CC2D2A: variants seen among roughly 807,000 people sequenced by gnomAD.
The protein encoded by CC2D2A is coiled-coil and C2 domain containing 2A.
In CC2D2A, 155 loss-of-function variants were observed where a neutral mutation model predicts 212.9. The ratio of observed to expected loss-of-function variants is 0.73; its 90% confidence interval spans 0.64 to 0.83. The LOEUF (loss-of-function observed/expected upper bound fraction) is 0.83, where lower values mean the gene tolerates loss of function less well. CC2D2A is among the 40% of genes least tolerant of loss of function. The pLI is 0.00. For missense variants in CC2D2A, 1,856 were observed against 1,956.2 expected, an observed-to-expected ratio of 0.95 and a Z score of 0.97; for synonymous variants, 667 against 686.5, an observed-to-expected ratio of 0.97 and a Z score of 0.44.
At chr4:15,528,772 G>A (rs1717650703) in intron 13 of CC2D2A, 46 bp downstream of exon 13, 2 of 1,341,588 alleles carry the variant, frequency 1.5e-6, no homozygotes, top group Non-Finnish European at 2.1e-6. Context: ...CCCGTTAGAT[G>A]TGCACTTGTT....
rs1449972974 is a variant in CC2D2A at position 15,555,212 on chromosome 4, T to C, written c.2625+2T>C. On this transcript the variant is annotated splice_donor_variant, in intron 20 of 36. Coordinates refer to ENST00000424120, the MANE Select transcript of CC2D2A (RefSeq NM_001378615.1). LOFTEE classifies it high-confidence loss of function. ...GCCCCTTTGATGCAGCTTATCTCGGTATGTAGCAGGAGGCACACATGCCAT... is the reference window on the plus strand; with the variant it reads ...GCCCCTTTGATGCAGCTTATCTCGGCATGTAGCAGGAGGCACACATGCCAT... 5 of 1,612,368 alleles carry C rather than the reference T, an allele frequency of 3.1e-6. No individual in the cohort carries two copies. Among genetic ancestry groups the C allele is most frequent in the Admixed American group, 1.7e-5 (1 of 59,756 alleles).
chr4:15,560,704 AT>A, intron 23 of CC2D2A, 82 bp downstream of exon 23: 3 of 650,678 alleles, frequency 4.6e-6, no homozygotes, highest in Non-Finnish European at 5.2e-6. Flanking sequence ...ATCATATAAG[AT>A]TTTTAAAAAT....
At chr4:15,556,230 A>T (rs1182591165) in intron 20 of CC2D2A, among the ~76,000 whole-genome samples, 2 of 152,250 alleles carry the variant, frequency 1.3e-5, no homozygotes, top group Non-Finnish European at 2.9e-5. Context: ...GGGTAGCCCT[A>T]GCAACACATC....
intron 33 of CC2D2A, among the ~76,000 whole-genome samples, chr4:15,592,213 C>G (rs1254111893): frequency 6.6e-6 from 1 of 151,988 alleles, no homozygotes; most frequent in Non-Finnish European, 1.5e-5. Context: ...TTTCTCTCTC[C>G]TCCTCTATCT....
chr4:15,592,717 G>A (rs1005443371), intron 33 of CC2D2A, among the ~76,000 whole-genome samples: 12 of 151,988 alleles, frequency 7.9e-5, no homozygotes, highest in Non-Finnish European at 1.2e-4. Context: ...ATTATTAATT[G>A]TGGCTCTATC....
chr4:15,530,565 G>T (rs938597274), intron 13 of CC2D2A, among the ~76,000 whole-genome samples: 1 of 151,940 alleles, frequency 6.6e-6, no homozygotes, highest in Non-Finnish European at 1.5e-5. Flanking sequence ...TCAGAAATAC[G>T]TGTGAGATCT....
At position 15,528,506 on chromosome 4, in the gene CC2D2A, G is replaced by T. The variant is rs539688868; in HGVS notation, c.1360-114G>T. 5.6e-6 allele frequency: 4 copies of T among 719,348 alleles called. No individual in the cohort carries two copies. In the East Asian group the frequency reaches 1.0e-4, roughly 19 times the overall value. 44.6% of individuals were successfully genotyped at this position (719,348 alleles called of 1,614,324 possible). ...GAGACAGCCAGATGCTTGAACATCC[G>T]TTCCATTCACAGACTGATGGCACCA... On this transcript the variant is annotated intron_variant, in intron 12 of 36. Transcript: ENST00000424120.
At chr4:15,489,630 A>G (rs1715192192) in intron 4 of CC2D2A, among the ~76,000 whole-genome samples, 2 of 152,138 alleles carry the variant, frequency 1.3e-5, no homozygotes, top group Non-Finnish European at 2.9e-5. Flanking sequence ...AATTCTTTCA[A>G]ACTCATTTTC....
chr4:15,518,776 G>T (rs1171666828), intron 11 of CC2D2A, among the ~76,000 whole-genome samples: 1 of 152,250 alleles, frequency 6.6e-6, no homozygotes, highest in African/African-American at 2.4e-5. Flanking sequence ...CATGGCCCGA[G>T]TTGTACCTTG....
chr4:15,497,984 T>C (rs1475185455), intron 4 of CC2D2A, among the ~76,000 whole-genome samples: 1 of 152,178 alleles, frequency 6.6e-6, no homozygotes, highest in African/African-American at 2.4e-5. Flanking sequence ...GAAATACCTG[T>C]TTGTTAGGAA....
At chr4:15,588,703 GC>G (rs1256309651) in intron 32 of CC2D2A, among the ~76,000 whole-genome samples, 4 of 152,002 alleles carry the variant, frequency 2.6e-5, no homozygotes, top group African/African-American at 9.7e-5. Flanking sequence ...AGAACACTGG[GC>G]TTGGAAGTTA....
chr4:15,536,742 T>G (rs927454998), intron 14 of CC2D2A, among the ~76,000 whole-genome samples, 178 bp from the exon 15 acceptor site: 2 of 152,236 alleles, frequency 1.3e-5, no homozygotes, highest in Non-Finnish European at 2.9e-5. Flanking sequence ...GCCTCTGTCA[T>G]CTCATGTATA....
intron 28 of CC2D2A, among the ~76,000 whole-genome samples, chr4:15,571,606 CAA>C (rs11393258): frequency 1.5e-4 from 21 of 142,450 alleles, no homozygotes; most frequent in South Asian, 2.2e-4. Context: ...CCGTTTAAAC[CAA>C]AAAAAAAAAA....
At chr4:15,477,476 T>C (rs1714304715) in intron 2 of CC2D2A, among the ~76,000 whole-genome samples, 1 of 152,188 alleles carries the variant, frequency 6.6e-6, no homozygotes, top group Admixed American at 6.5e-5. Flanking sequence ...TTTGAAGTCC[T>C]ACTGGATAGT....
chr4:15,538,847 G>A (rs1320131547), intron 16 of CC2D2A, among the ~76,000 whole-genome samples: 3 of 151,944 alleles, frequency 2.0e-5, no homozygotes, highest in Non-Finnish European at 4.4e-5. Context: ...GAATAGCCAT[G>A]GTTCTCAAAG....
Position 15,563,378 on chromosome 4 carries a change from A to G in CC2D2A, c.3038A>G (p.Lys1013Arg). The G allele has an allele frequency of 6.2e-7, 1 of 1,605,424 alleles. No individual in the cohort carries two copies. Among genetic ancestry groups the G allele is most frequent in the Non-Finnish European group, 8.5e-7 (1 of 1,175,718 alleles). The change falls in exon 24 of 37, where the codon AAG becomes AGG. Residue 1013 changes from lysine to arginine, a missense_variant. This residue lies in a region of CC2D2A where 1,512 missense variants were observed against 1,579.3 expected (regional missense o/e 0.96). Coordinates refer to ENST00000424120, the MANE Select transcript of CC2D2A (RefSeq NM_001378615.1). ...AGCATTTTGGGCCTAAGCCTTTTCA[A>G]GCTGGCAGAACAAAAGCGACCACTG... ...NISILGLSLF[K>R]LAEQKRPLRP... is the part of the protein sequence containing the mutation.
Position 15,502,489 on chromosome 4 carries a change from G to A in CC2D2A, c.308G>A (p.Arg103His), listed in dbSNP as rs566281691. 1.9e-5 allele frequency: 31 copies of A among 1,607,690 alleles called. No homozygotes were observed. The highest frequency in any genetic ancestry group is 1.9e-4 in the Admixed American group (11 of 59,096). The part of the protein sequence containing the change: ...TGFAEFSMRG[R>H]MREKLQAARS... Reference sequence around the variant, plus strand: ...TTTGCAGAATTTTCCATGAGGGGACGCATGAGGGAGAAATTGCAAGCAGCG... The same window carrying A: ...TTTGCAGAATTTTCCATGAGGGGACACATGAGGGAGAAATTGCAAGCAGCG... The change falls in exon 5 of 37, where the codon CGC becomes CAC. Residue 103 changes from arginine to histidine, a missense_variant. Physicochemically the swap from Arg to His is conservative, Grantham distance 29. Transcript: ENST00000424120.
chr4:15,556,455 T>C (rs962286888), intron 20 of CC2D2A, among the ~76,000 whole-genome samples: 3 of 152,246 alleles, frequency 2.0e-5, no homozygotes, highest in African/African-American at 7.2e-5. Flanking sequence ...TGTAGTCTAT[T>C]CCATGTAAAG....
At chr4:15,507,417 T>A (rs1241690825) in intron 6 of CC2D2A, among the ~76,000 whole-genome samples, 1 of 152,180 alleles carries the variant, frequency 6.6e-6, no homozygotes, top group Non-Finnish European at 1.5e-5. Context: ...TAAGTGAAAT[T>A]TGACAGCACC....
Sources: allele counts gnomAD v4.1 joint callset (sites outside exome capture counted in the v4.1 genomes callset), GRCh38; gene constraint gnomAD v4.1.1; regional missense constraint gnomAD v4.1.1; transcripts MANE v1.5; gene names NCBI Gene and HGNC (gene_info 2026-07-23, HGNC 2026-07-21).